RPS6KA2: variants seen among roughly 807,000 people sequenced by gnomAD.
RPS6KA2 encodes ribosomal protein S6 kinase A2.
RPS6KA2 carries 42 observed loss-of-function variants against 91.8 expected under a neutral mutation model. That is an observed-to-expected ratio of 0.46 (90% CI 0.36 to 0.59). The LOEUF (loss-of-function observed/expected upper bound fraction) is 0.59. RPS6KA2 is among the 20% of genes least tolerant of loss of function. The probability of loss-of-function intolerance (pLI) is 0.00; values close to 1 mark genes in which losing one functional copy is unlikely to be tolerated. For synonymous variants in RPS6KA2, 414 were observed against 393.6 expected (o/e 1.05, Z -0.61); for missense variants, 798 against 978.5 (o/e 0.82, Z 2.46).
intron 1 of RPS6KA2, among the ~76,000 whole-genome samples, chr6:166,861,273 T>G (rs919847056): frequency 1.4e-4 from 22 of 152,204 alleles, no homozygotes; most frequent in African/African-American, 4.6e-4. Context: ...AAAATTAAAT[T>G]GGACTTTGAG....
chr6:166,661,697 G>A (rs781055693), intron 2 of RPS6KA2, among the ~76,000 whole-genome samples: 58 of 151,990 alleles, frequency 3.8e-4, no homozygotes, highest in Non-Finnish European at 1.2e-4. Context: ...CAATATTTTA[G>A]TAAGTCAAAT....
intron 2 of RPS6KA2, among the ~76,000 whole-genome samples, chr6:166,698,604 G>A (rs1337040909): frequency 6.6e-6 from 1 of 152,172 alleles, no homozygotes; most frequent in Non-Finnish European, 1.5e-5. Flanking sequence ...GGAAACACTC[G>A]ACTTCTTCTG....
chr6:166,858,623 C>T (rs1780971900), intron 1 of RPS6KA2, among the ~76,000 whole-genome samples: 1 of 152,218 alleles, frequency 6.6e-6, no homozygotes. Context: ...ACGAACGGAG[C>T]TGATGTGGAA....
At position 166,568,998 on chromosome 6, in the gene RPS6KA2, T is replaced by TA. The variant is rs200920996; in HGVS notation, c.100-30215dup. Among the ~76,000 whole-genome samples the TA allele has an allele frequency of 5.4e-3, 816 of 152,326 alleles. 16 individuals are homozygous for TA. The highest frequency in any genetic ancestry group is 0.037 in the Admixed American group (570 of 15,306). ...CCAAATACTGTAGTTGAAAGTGTAT[T>TA]AAAAATTAAGCTTACATTAATAAAC... On this transcript the variant is annotated intron_variant, in intron 1 of 20. Coordinates refer to ENST00000265678, the MANE Select transcript of RPS6KA2 (RefSeq NM_021135.6).
chr6:166,691,671 ACCATGCGTG>A (rs1179622600), intron 2 of RPS6KA2, among the ~76,000 whole-genome samples: 1 of 152,184 alleles, frequency 6.6e-6, no homozygotes, highest in Non-Finnish European at 1.5e-5. Flanking sequence ...CACCATTAGT[ACCATGCGTG>A]CCATGACATA....
intron 2 of RPS6KA2, among the ~76,000 whole-genome samples, chr6:166,819,448 A>G (rs1190721903): frequency 6.6e-6 from 1 of 152,104 alleles, no homozygotes; most frequent in Non-Finnish European, 1.5e-5. Flanking sequence ...CCCAAGCCCC[A>G]CAGTCGCTCC....
At chr6:166,592,918 T>A (rs1488632058) in intron 1 of RPS6KA2, among the ~76,000 whole-genome samples, 1 of 152,110 alleles carries the variant, frequency 6.6e-6, no homozygotes, top group East Asian at 1.9e-4. Context: ...CACAAAAGGT[T>A]GAAGGAAAGT....
At chr6:166,701,411 AT>A in intron 2 of RPS6KA2, 1 of 1,284,538 alleles carries the variant, frequency 7.8e-7, no homozygotes, top group Non-Finnish European at 1.1e-6. Flanking sequence ...TTCTTCTTTC[AT>A]TTTTCCATAA....
rs553576572 is a variant in RPS6KA2, at chr6:166,616,339, C to T, written c.99+10582G>A. On this transcript the variant is annotated intron_variant, in intron 1 of 20. Transcript: ENST00000265678. ...GCTACCTCCAAAGCCCCAACCCCGACGCATGGATCACAGGCAACAGCTCCC... is the reference window on the plus strand; with the variant it reads ...GCTACCTCCAAAGCCCCAACCCCGATGCATGGATCACAGGCAACAGCTCCC... Among the ~76,000 whole-genome samples, 22 of 152,294 alleles carry T rather than the reference C, an allele frequency of 1.4e-4. 1 individual carries two copies. The highest frequency in any genetic ancestry group is 3.9e-4 in the East Asian group (2 of 5,162).
intron 1 of RPS6KA2, among the ~76,000 whole-genome samples, chr6:166,611,993 G>C (rs1416400954): frequency 6.6e-6 from 1 of 152,206 alleles, no homozygotes; most frequent in African/African-American, 2.4e-5. Flanking sequence ...AACAAGGTAG[G>C]CTTGGCTTTC....
At position 166,479,757 on chromosome 6, in the gene RPS6KA2, T is replaced by C. The variant is rs117503452; in HGVS notation, c.907+9076A>G. 1.2e-3 allele frequency among the ~76,000 whole-genome samples: 186 copies of C among 152,370 alleles called. 4 individuals are homozygous for C. The East Asian group carries it at 0.029, about 24-fold the overall frequency. ...GAAAAGCTCCCCTTCTGCCCGTCCC[T>C]CCGGGGAGAAGCACCCGCTGTAGGA... On this transcript the variant is annotated intron_variant, in intron 10 of 20. Coordinates refer to ENST00000265678, the MANE Select transcript of RPS6KA2 (RefSeq NM_021135.6).
At chr6:166,708,957 G>C (rs1303016379) in intron 2 of RPS6KA2, among the ~76,000 whole-genome samples, 1 of 152,206 alleles carries the variant, frequency 6.6e-6, no homozygotes, top group African/African-American at 2.4e-5. Context: ...AACTGGGAGA[G>C]ATATGAAATA....
chr6:166,804,183 C>A (rs1583137443), intron 2 of RPS6KA2, among the ~76,000 whole-genome samples: 1 of 149,578 alleles, frequency 6.7e-6, no homozygotes, highest in Non-Finnish European at 1.5e-5. Context: ...AAAAAAAATA[C>A]TTAACTAGTA....
chr6:166,421,825 C>T (rs1778731004), intron 17 of RPS6KA2, among the ~76,000 whole-genome samples: 1 of 151,976 alleles, frequency 6.6e-6, no homozygotes, highest in Non-Finnish European at 1.5e-5. Context: ...ATTTTCCTCC[C>T]CCATAATATT....
chr6:166,484,043 G>A (rs1024773624), intron 10 of RPS6KA2, among the ~76,000 whole-genome samples: 6 of 152,218 alleles, frequency 3.9e-5, no homozygotes, highest in Non-Finnish European at 8.8e-5. Flanking sequence ...ATCTGAGCAG[G>A]CACTGCGGGG....
intron 2 of RPS6KA2, among the ~76,000 whole-genome samples, chr6:166,531,606 G>T (rs1195954708): frequency 2.6e-5 from 4 of 152,176 alleles, no homozygotes; most frequent in Non-Finnish European, 5.9e-5. Context: ...TTGAAGACCA[G>T]CTGTTTAGAA....
rs73788122 is a variant in RPS6KA2 at position 166,751,975 on chromosome 6, G to T, written c.123+106225C>A. Among the ~76,000 whole-genome samples the T allele has an allele frequency of 2.8e-3, 424 of 152,286 alleles. 1 individual carries two copies. Among genetic ancestry groups the T allele is most frequent in the African/African-American group, 9.5e-3 (393 of 41,552 alleles). ...CAGACTCCGTGGAGCACAGAAGCCA[G>T]ACTCCTTGGAGAAAGGGGCCCCAGA... On this transcript the variant is annotated intron_variant, in intron 2 of 21. Coordinates refer to the RPS6KA2 transcript ENST00000503859.
At chr6:166,594,934 G>A (rs1785490595) in intron 1 of RPS6KA2, among the ~76,000 whole-genome samples, 1 of 152,204 alleles carries the variant, frequency 6.6e-6, no homozygotes, top group Non-Finnish European at 1.5e-5. Flanking sequence ...AAGGAGATCT[G>A]GAAACTGGGT....
At chr6:166,758,436 T>A (rs1008055959) in intron 2 of RPS6KA2, among the ~76,000 whole-genome samples, 2 of 152,222 alleles carry the variant, frequency 1.3e-5, no homozygotes, top group South Asian at 4.1e-4. Context: ...CATCAGCCCC[T>A]TTCTTGCTTT....
Sources: allele counts gnomAD v4.1 joint callset (sites outside exome capture counted in the v4.1 genomes callset), GRCh38; gene constraint gnomAD v4.1.1; transcripts MANE v1.5; gene names NCBI Gene and HGNC (gene_info 2026-07-23, HGNC 2026-07-21).